The following PKN2 variants were observed in gnomAD, a reference collection of about 807,000 sequenced individuals.
PKN2 encodes protein kinase N2.
A neutral mutation model predicts 119.1 loss-of-function variants in PKN2; 38 were observed. The ratio of observed to expected loss-of-function variants is 0.32; its 90% CI spans 0.25 to 0.42. The LOEUF (loss-of-function observed/expected upper bound fraction) is 0.42, where lower values mean the gene tolerates loss of function less well. Among genes scored for constraint, PKN2 ranks in the 10% least tolerant of loss-of-function variants. PKN2 has a pLI of 1.00. For synonymous variants in PKN2, 390 were observed against 384.9 expected, an observed-to-expected ratio of 1.01 and a Z score of -0.15; for missense variants, 850 against 1,165.1, an observed-to-expected ratio of 0.73 and a Z score of 3.94.
intron 15 of PKN2, 50 bp downstream of exon 15, chr1:88,807,825 G>A (rs780237749): frequency 1.8e-6 from 2 of 1,106,938 alleles, no homozygotes; most frequent in Admixed American, 4.2e-5. Flanking sequence ...TGTAAGTTAA[G>A]AGAAATGATA....
intron 16 of PKN2, among the ~76,000 whole-genome samples, chr1:88,820,812 C>A (rs1672251795): frequency 6.6e-6 from 1 of 152,032 alleles, no homozygotes; most frequent in Admixed American, 6.6e-5. Flanking sequence ...AACTAATTAT[C>A]CTAAGGGTCT....
chr1:88,751,176 C>T (rs563556082), intron 2 of PKN2, among the ~76,000 whole-genome samples: 1 of 152,012 alleles, frequency 6.6e-6, no homozygotes, highest in Non-Finnish European at 1.5e-5. Flanking sequence ...TTTTACCTCT[C>T]TATACTTAGG....
intron 17 of PKN2, among the ~76,000 whole-genome samples, chr1:88,823,690 T>G (rs1570687277): frequency 4.3e-5 from 5 of 117,304 alleles, no homozygotes; most frequent in Admixed American, 1.1e-4. Flanking sequence ...GGTGACAGAG[T>G]GAGACTCTGT....
chr1:88,791,225 C>G (rs1351779362), intron 8 of PKN2, among the ~76,000 whole-genome samples: 1 of 151,930 alleles, frequency 6.6e-6, no homozygotes, highest in African/African-American at 2.4e-5. Flanking sequence ...ATCACTTGGT[C>G]AGGTGTTTGA....
chr1:88,830,326 G>A (rs1672680757), intron 19 of PKN2, among the ~76,000 whole-genome samples: 1 of 152,108 alleles, frequency 6.6e-6, no homozygotes, highest in Non-Finnish European at 1.5e-5. Flanking sequence ...GTTGTGCAGT[G>A]TTTAGGTTGG....
intron 1 of PKN2, among the ~76,000 whole-genome samples, chr1:88,716,552 CTTCT>C (rs1372092589): frequency 3.9e-5 from 6 of 152,072 alleles, no homozygotes; most frequent in Admixed American, 2.6e-4. Context: ...ATGTAATGGC[CTTCT>C]TTGTCTCTTT....
intron 15 of PKN2, among the ~76,000 whole-genome samples, chr1:88,808,188 A>C (rs1671628832): frequency 1.3e-5 from 2 of 152,132 alleles, no homozygotes; most frequent in South Asian, 4.1e-4. Flanking sequence ...ACAAAGCAGA[A>C]TATGTTATCT....
chr1:88,756,248 A>C (rs1669197150), intron 2 of PKN2, among the ~76,000 whole-genome samples: 1 of 152,150 alleles, frequency 6.6e-6, no homozygotes, highest in African/African-American at 2.4e-5. Flanking sequence ...AATCTATTAT[A>C]TAGTATCTCT....
intron 2 of PKN2, among the ~76,000 whole-genome samples, chr1:88,758,750 G>T (rs1023390187): frequency 6.6e-6 from 1 of 152,094 alleles, no homozygotes; most frequent in Non-Finnish European, 1.5e-5. Flanking sequence ...CATGGTGTGT[G>T]TGTGTGTGTA....
chr1:88,712,880 C>T (rs1020047258), intron 1 of PKN2, among the ~76,000 whole-genome samples: 2 of 152,000 alleles, frequency 1.3e-5, no homozygotes, highest in Admixed American at 1.3e-4. Context: ...CACCCATTAA[C>T]TCATCATTTA....
At chr1:88,745,746 A>G (rs1668743901) in intron 2 of PKN2, among the ~76,000 whole-genome samples, 1 of 152,134 alleles carries the variant, frequency 6.6e-6, no homozygotes, top group African/African-American at 2.4e-5. Context: ...AAATCCTAAA[A>G]TTTATATGGA....
At chr1:88,768,994 T>TTTTGAA (rs766091740) in intron 3 of PKN2, among the ~76,000 whole-genome samples, 1,780 of 152,116 alleles carry the variant, frequency 0.012, 25 homozygotes, top group Non-Finnish European at 0.014. Flanking sequence ...AACAAACAGC[T>TTTTGAA]CAACAACCAG....
chr1:88,737,249 C>A (rs1201513474), intron 1 of PKN2, among the ~76,000 whole-genome samples: 1 of 152,150 alleles, frequency 6.6e-6, no homozygotes, highest in Non-Finnish European at 1.5e-5. Flanking sequence ...CCACTGCAGA[C>A]AGACAGTAGT....
intron 16 of PKN2, among the ~76,000 whole-genome samples, chr1:88,817,522 A>G (rs1672049701): frequency 6.6e-6 from 1 of 151,948 alleles, no homozygotes; most frequent in African/African-American, 2.4e-5. Flanking sequence ...CCTGGCCAAC[A>G]TGGTGAAACC....
chr1:88,690,350 A>G (rs761705088), intron 1 of PKN2, among the ~76,000 whole-genome samples: 2 of 152,378 alleles, frequency 1.3e-5, no homozygotes, highest in Middle Eastern at 3.4e-3. Context: ...CTTTCATACC[A>G]TAAATGGTAT....
intron 15 of PKN2, among the ~76,000 whole-genome samples, chr1:88,809,095 A>G (rs1482539595): frequency 6.6e-6 from 1 of 151,954 alleles, no homozygotes; most frequent in Admixed American, 6.5e-5. Context: ...TTATTTTTTT[A>G]TGTTATATAA....
intron 8 of PKN2, among the ~76,000 whole-genome samples, 189 bp from the exon 9 acceptor site, chr1:88,804,202 A>C (rs1240952935): frequency 6.6e-6 from 1 of 152,174 alleles, no homozygotes; most frequent in African/African-American, 2.4e-5. Context: ...CTTTGAATTA[A>C]AATGTGTAAG....
chr1:88,813,525 ATCTGCTTATTTTAAAATATTTTC>A lies in PKN2; in HGVS notation c.2103-30_2103-8del. On this transcript the variant is annotated splice_polypyrimidine_tract_variant and intron_variant, in intron 15 of 21. Coordinates refer to ENST00000370521, the MANE Select transcript of PKN2 (RefSeq NM_006256.4). ...TTATTTCCAACTAGAATTATTTTTA[ATCTGCTTATTTTAAAATATTTTC>A]TTTTACAGCCTGATGTGTGAAAAAA... 1 of 1,412,858 alleles carries A rather than the reference ATCTGCTTATTTTAAAATATTTTC, an allele frequency of 7.1e-7. No homozygotes were observed. The highest frequency in any genetic ancestry group is 9.6e-7 in the Non-Finnish European group (1 of 1,039,052). The allele number at this position is 1,412,858 out of a possible 1,614,324, so 87.5% of individuals were successfully genotyped here.
chr1:88,727,174 T>A (rs1667930113), intron 1 of PKN2, among the ~76,000 whole-genome samples: 1 of 151,440 alleles, frequency 6.6e-6, no homozygotes, highest in Non-Finnish European at 1.5e-5. Context: ...TTAATGACGC[T>A]CTTTTTTTTT....
Sources: gnomAD v4.1 joint callset for allele counts (sites outside exome capture counted in the v4.1 genomes callset) on GRCh38, gnomAD v4.1.1 for gene constraint, MANE v1.5 for transcripts, NCBI Gene and HGNC (gene_info 2026-07-23, HGNC 2026-07-21) for gene names.